Variants in ANO4 observed in about 807,000 individuals in gnomAD.
ANO4 encodes anoctamin-4.
In ANO4, 69 loss-of-function variants were observed where a neutral mutation model predicts 141.9. The ratio of observed to expected loss-of-function variants is 0.49; its 90% CI spans 0.40 to 0.59. The LOEUF (loss-of-function observed/expected upper bound fraction) is 0.59. Among genes scored for constraint, ANO4 ranks in the 20% least tolerant of loss-of-function variants. The pLI is 0.00. For missense variants in ANO4, 894 were observed against 1,162.2 expected (o/e 0.77, Z 3.36); for synonymous variants, 350 against 394.3 (o/e 0.89, Z 1.33).
At chr12:101,046,122 T>C (rs1467644122) in intron 13 of ANO4, among the ~76,000 whole-genome samples, 1 of 152,276 alleles carries the variant, frequency 6.6e-6, no homozygotes, top group African/African-American at 2.4e-5. Context: ...GCTACTGCTC[T>C]ATCAGAGGAC....
intron 25 of ANO4, 110 bp downstream of exon 25, chr12:101,116,908 A>G: frequency 7.0e-7 from 1 of 1,435,346 alleles, no homozygotes; most frequent in Non-Finnish European, 9.6e-7. Flanking sequence ...AGTGACTGTC[A>G]ATCTCAACAG....
intron 22 of ANO4, among the ~76,000 whole-genome samples, chr12:101,102,534 GT>G (rs547664292): frequency 6.6e-6 from 1 of 151,594 alleles, no homozygotes; most frequent in Admixed American, 6.6e-5. Flanking sequence ...TCAAGCCCAT[GT>G]TTTTTTTGTG....
At chr12:100,934,158 A>G (rs961345619) in intron 3 of ANO4, among the ~76,000 whole-genome samples, 19 of 152,208 alleles carry the variant, frequency 1.2e-4, no homozygotes, top group African/African-American at 4.6e-4. Context: ...TGTTTTAATC[A>G]TGAAGTCCTT....
chr12:101,066,568 A>G (rs967293208), intron 14 of ANO4, among the ~76,000 whole-genome samples: 33 of 152,330 alleles, frequency 2.2e-4, no homozygotes, highest in African/African-American at 7.5e-4. Flanking sequence ...GATCTCCACA[A>G]TGAAAACTAT....
intron 1 of ANO4, among the ~76,000 whole-genome samples, chr12:100,826,468 T>G (rs1003834792): frequency 1.3e-5 from 2 of 152,038 alleles, no homozygotes; most frequent in African/African-American, 4.8e-5. Context: ...GGATGTATTA[T>G]TTCTAGCACC....
At chr12:100,980,931 G>C (rs951534881) in intron 7 of ANO4, among the ~76,000 whole-genome samples, 1 of 151,988 alleles carries the variant, frequency 6.6e-6, no homozygotes, top group Non-Finnish European at 1.5e-5. Flanking sequence ...AATATAGTCT[G>C]TGGAAGATAT....
intron 3 of ANO4, among the ~76,000 whole-genome samples, chr12:100,741,848 A>G (rs574645542): frequency 2.0e-5 from 3 of 152,264 alleles, no homozygotes; most frequent in African/African-American, 7.2e-5. Context: ...TACCTCCTTT[A>G]TATATTAACC....
At chr12:100,772,418 C>T (rs1354241363) in intron 3 of ANO4, among the ~76,000 whole-genome samples, 2 of 152,154 alleles carry the variant, frequency 1.3e-5, no homozygotes, top group South Asian at 2.1e-4. Context: ...TGGCACATTA[C>T]ATCCCCTCAC....
upstream of ANO4, among the ~76,000 whole-genome samples, chr12:100,792,374 C>A (rs981118858): frequency 6.6e-6 from 1 of 152,116 alleles, no homozygotes; most frequent in Non-Finnish European, 1.5e-5. Flanking sequence ...ATTCTTTTGG[C>A]CATTCAAATG....
chr12:100,840,682 T>G (rs976391416), intron 1 of ANO4, among the ~76,000 whole-genome samples: 1 of 152,196 alleles, frequency 6.6e-6, no homozygotes, highest in Non-Finnish European at 1.5e-5. Context: ...GCAGCAATCA[T>G]GAGTTGTTGT....
At position 100,736,094 on chromosome 12, in the gene ANO4, G is replaced by A. The variant is rs145010014; in HGVS notation, c.106+2237G>A. Among the ~76,000 whole-genome samples, 15 of 152,280 alleles carry A rather than the reference G, an allele frequency of 9.9e-5. 1 individual carries two copies. Among genetic ancestry groups the A allele is most frequent in the Admixed American group, 5.9e-4 (9 of 15,298 alleles). The stretch of plus-strand genomic sequence containing the variant: ...ATTTCTAGGACAGACTGAGGAGGTT[G>A]AAAATTAAAGTCTGCCTTGGTGACA... On this transcript the variant is annotated intron_variant, in intron 2 of 29. Transcript: ENST00000644049.
intron 3 of ANO4, among the ~76,000 whole-genome samples, chr12:100,776,675 T>C (rs777199872): frequency 2.0e-5 from 3 of 152,228 alleles, no homozygotes; most frequent in Non-Finnish European, 4.4e-5. Flanking sequence ...AAGATTTTTC[T>C]TGTTTAAATC....
At chr12:101,117,192 C>T (rs959715831) in intron 25 of ANO4, among the ~76,000 whole-genome samples, 8 of 152,212 alleles carry the variant, frequency 5.3e-5, no homozygotes, top group African/African-American at 1.9e-4. Flanking sequence ...GAGTATATCA[C>T]ATCACATTTC....
At position 100,855,471 on chromosome 12, in the gene ANO4, A is replaced by G. The variant is rs145992158; in HGVS notation, c.-140-46175A>G. On this transcript the variant is annotated intron_variant, in intron 1 of 27. Transcript: ENST00000392977. ...CATGCCATATATTTAATTTTGTGTT[A>G]TAACTCTCTTCTGGTTTACATTTTG... is the stretch of plus-strand genomic sequence containing the variant. Among the ~76,000 whole-genome samples, 409 of 152,206 alleles carry G rather than the reference A, an allele frequency of 2.7e-3. 2 individuals carry two copies. Among genetic ancestry groups the G allele is most frequent in the African/African-American group, 9.0e-3 (376 of 41,556 alleles).
intron 8 of ANO4, among the ~76,000 whole-genome samples, chr12:101,008,554 C>T (rs1321155884): frequency 6.6e-6 from 1 of 152,112 alleles, no homozygotes. Context: ...TCACTATTTA[C>T]ATAATGACTA....
intron 1 of ANO4, among the ~76,000 whole-genome samples, chr12:100,873,135 A>G (rs995756937): frequency 2.0e-5 from 3 of 152,172 alleles, no homozygotes; most frequent in Non-Finnish European, 2.9e-5. Context: ...TTGTGAGTCA[A>G]TTAAACCTTT....
At chr12:100,803,708 T>G (rs1199590441) in intron 1 of ANO4, among the ~76,000 whole-genome samples, 1 of 152,166 alleles carries the variant, frequency 6.6e-6, no homozygotes, top group Non-Finnish European at 1.5e-5. Flanking sequence ...AGTGAGCTGG[T>G]CTCCTTGTGC....
At chr12:100,743,235 ATATAT>A (rs1031747672) in intron 3 of ANO4, among the ~76,000 whole-genome samples, 1 of 150,604 alleles carries the variant, frequency 6.6e-6, no homozygotes, top group Non-Finnish European at 1.5e-5. Flanking sequence ...TATTTAATTA[ATATAT>A]TATTAAAATA....
At chr12:100,989,551 G>GTGGGTGGA (rs776415363) in intron 8 of ANO4, among the ~76,000 whole-genome samples, 81 of 144,640 alleles carry the variant, frequency 5.6e-4, no homozygotes, top group African/African-American at 1.9e-3. Flanking sequence ...GGGTGGGTGG[G>GTGGGTGGA]TGGATGGATG....
Sources: gnomAD v4.1 joint callset for allele counts (sites outside exome capture counted in the v4.1 genomes callset) on GRCh38, gnomAD v4.1.1 for gene constraint, MANE v1.5 for transcripts, NCBI Gene and HGNC (gene_info 2026-07-23, HGNC 2026-07-21) for gene names.